TRIO: variants seen among roughly 807,000 people sequenced by gnomAD.
The protein encoded by TRIO is trio Rho guanine nucleotide exchange factor.
A neutral mutation model predicts 351.9 loss-of-function variants in TRIO; 58 were observed. That is an observed-to-expected ratio of 0.16 (90% CI 0.13 to 0.21). The LOEUF is 0.21. Among genes scored for constraint, TRIO ranks in the 10% least tolerant of loss-of-function variants. TRIO has a pLI of 1.00. For missense variants in TRIO, 3,201 were observed against 4,027.8 expected (o/e 0.79, Z 5.56); for synonymous variants, 1,758 against 1,595.7 (o/e 1.10, Z -2.42).
At position 14,374,929 on chromosome 5, in the gene TRIO, G is replaced by T. The variant is rs145052322; in HGVS notation, c.3331+586G>T. On this transcript the variant is annotated intron_variant, in intron 19 of 56. Coordinates refer to ENST00000344204, the MANE Select transcript of TRIO (RefSeq NM_007118.4). ...AATAGGATTGATGTGGAAGGAAAAT[G>T]GATAAAGAAACTAAGGCACAAAGCA... Among the ~76,000 whole-genome samples the T allele has an allele frequency of 1.7e-3, 260 of 152,204 alleles. 4 individuals are homozygous for T. The highest frequency in any genetic ancestry group is 5.9e-3 in the African/African-American group (246 of 41,544).
intron 9 of TRIO, among the ~76,000 whole-genome samples, chr5:14,317,897 G>C (rs575078964): frequency 2.0e-5 from 3 of 151,972 alleles, no homozygotes; most frequent in Admixed American, 6.5e-5. Context: ...GAGGCCAAGG[G>C]GGGTGGATCA....
At chr5:14,340,204 C>T (rs1264639288) in intron 11 of TRIO, among the ~76,000 whole-genome samples, 2 of 151,936 alleles carry the variant, frequency 1.3e-5, no homozygotes, top group Admixed American at 1.3e-4. Flanking sequence ...ACCATCCTGG[C>T]TAACACACGG....
intron 1 of TRIO, among the ~76,000 whole-genome samples, chr5:14,146,733 C>T (rs996475803): frequency 2.0e-5 from 3 of 152,188 alleles, no homozygotes; most frequent in African/African-American, 7.2e-5. Context: ...GGCTGTTCCC[C>T]TTTCCCTGTG....
In TRIO at chr5:14,364,744, A is replaced by G; in HGVS notation, c.2682A>G (p.Leu894=). The change falls in exon 15 of 57, where the codon TTA becomes TTG. Residue 894 remains leucine (L), a synonymous_variant. Transcript: ENST00000344204. ...ATGAAAAACAGCAGGAATTGGATTT[A>G]GCCGCAGAGCAGCATCGGAAACACC... ...FLHEKQQELD[L]AAEQHRKHLE... is the part of the protein sequence containing the mutation. The G allele has an allele frequency of 6.2e-7, 1 of 1,612,856 alleles. No homozygotes were observed. The highest frequency in any genetic ancestry group is 8.5e-7 in the Non-Finnish European group (1 of 1,180,014).
chr5:14,372,226 G>A, intron 18 of TRIO, among the ~76,000 whole-genome samples: 1 of 130,848 alleles, frequency 7.6e-6, no homozygotes, highest in African/African-American at 2.8e-5. Context: ...GGGGGCGATG[G>A]TGGGGGAAGA....
intron 2 of TRIO, among the ~76,000 whole-genome samples, chr5:14,276,849 C>A (rs1325816150): frequency 6.6e-6 from 1 of 152,142 alleles, no homozygotes; most frequent in Non-Finnish European, 1.5e-5. Context: ...GCTCAAGAGA[C>A]CAAGTCTCCT....
chr5:14,278,489 A>T (rs1735729600), intron 2 of TRIO, among the ~76,000 whole-genome samples: 1 of 152,176 alleles, frequency 6.6e-6, no homozygotes, highest in Admixed American at 6.5e-5. Flanking sequence ...AAAATGTTAG[A>T]TGCTGGCTTT....
chr5:14,303,807 G>A (rs1738129946), intron 7 of TRIO, among the ~76,000 whole-genome samples: 1 of 152,206 alleles, frequency 6.6e-6, no homozygotes, highest in African/African-American at 2.4e-5. Context: ...GGAAGGATGG[G>A]AATGATGCCC....
chr5:14,247,290 G>T (rs1794495030), intron 1 of TRIO, among the ~76,000 whole-genome samples: 1 of 152,248 alleles, frequency 6.6e-6, no homozygotes, highest in African/African-American at 2.4e-5. Context: ...ATCCATTGTT[G>T]TGATGTGTGG....
intron 7 of TRIO, among the ~76,000 whole-genome samples, chr5:14,299,795 TA>T (rs1045083494): frequency 2.6e-5 from 4 of 152,186 alleles, no homozygotes; most frequent in African/African-American, 4.8e-5. Flanking sequence ...TAAATCTGAT[TA>T]GGGGGACATA....
intron 34 of TRIO, among the ~76,000 whole-genome samples, chr5:14,437,176 C>A (rs1041664249): frequency 1.3e-5 from 2 of 152,082 alleles, no homozygotes; most frequent in African/African-American, 4.8e-5. Flanking sequence ...TTTTTTCCCT[C>A]TCCTGTTTGG....
chr5:14,271,172 A>G (rs1476990243), intron 2 of TRIO, among the ~76,000 whole-genome samples: 1 of 152,236 alleles, frequency 6.6e-6, no homozygotes, highest in East Asian at 1.9e-4. Flanking sequence ...TGCCCCAATC[A>G]GTTAAGTAAA....
chr5:14,222,142 CTTTTTTTTTTT>C (rs34968826), intron 1 of TRIO, among the ~76,000 whole-genome samples: 3 of 141,424 alleles, frequency 2.1e-5, no homozygotes, highest in African/African-American at 7.8e-5. Flanking sequence ...TTTTTCTTTT[CTTTTTTTTTTT>C]TTTAGCAATA....
intron 34 of TRIO, among the ~76,000 whole-genome samples, chr5:14,428,102 G>A (rs915280004): frequency 6.6e-6 from 1 of 152,126 alleles, no homozygotes. Context: ...AGGATCTGCC[G>A]CAAAGGTGAA....
chr5:14,388,395 C>G (rs1214064872), intron 23 of TRIO, among the ~76,000 whole-genome samples: 2 of 152,270 alleles, frequency 1.3e-5, no homozygotes, highest in South Asian at 2.1e-4. Context: ...GTTGAGAAAC[C>G]CTGATCTGTC....
Position 14,459,319 on chromosome 5 carries a change from C to T in TRIO, c.5204-1700C>T, listed in dbSNP as rs1343781587. Among the ~76,000 whole-genome samples the T allele has an allele frequency of 2.6e-5, 4 of 152,228 alleles. No individual in the cohort carries two copies. In the East Asian group the frequency reaches 7.7e-4, roughly 29 times the overall value. ...AGCCAGAGAGGCAGTGCAGCCCCTA[C>T]AGGTATCTGTGCAAAGGAGTAGCTC... is the stretch of plus-strand genomic sequence containing the variant. On this transcript the variant is annotated intron_variant, in intron 34 of 56. Coordinates refer to ENST00000344204, the MANE Select transcript of TRIO (RefSeq NM_007118.4).
At chr5:14,429,009 C>T (rs1272273897) in intron 34 of TRIO, among the ~76,000 whole-genome samples, 2 of 152,236 alleles carry the variant, frequency 1.3e-5, no homozygotes, top group Admixed American at 6.5e-5. Flanking sequence ...GACTTTGCTA[C>T]TTAGTACACA....
chr5:14,398,742 A>G lies in TRIO; in HGVS notation c.4424-138A>G. On this transcript the variant is annotated intron_variant, in intron 29 of 56. Transcript: ENST00000344204. ...TAGGATGGGTCAGTGGCGTCGAGTC[A>G]GGATCAGATGGGAAACTCTTATCTA... 8 of 751,418 alleles carry G rather than the reference A, an allele frequency of 1.1e-5. No homozygotes were observed. In the South Asian group the frequency reaches 1.3e-4, roughly 13 times the overall value. The allele number at this position is 751,418 out of a possible 1,614,324, so 46.5% of individuals were successfully genotyped here. A position where few individuals can be genotyped will look rare whatever the true frequency, so the allele number is the denominator to read the frequency against.
At chr5:14,459,495 T>C (rs1415751319) in intron 34 of TRIO, among the ~76,000 whole-genome samples, 1 of 152,236 alleles carries the variant, frequency 6.6e-6, no homozygotes, top group African/African-American at 2.4e-5. Flanking sequence ...GCTTTCACGC[T>C]CACTGGTGTG....
Sources: gnomAD v4.1 joint callset for allele counts (sites outside exome capture counted in the v4.1 genomes callset) on GRCh38, gnomAD v4.1.1 for gene constraint, MANE v1.5 for transcripts, NCBI Gene and HGNC (gene_info 2026-07-23, HGNC 2026-07-21) for gene names.